Variants in FKBP5 observed in about 807,000 individuals in gnomAD.
FKBP5 encodes FKBP prolyl isomerase 5, also known as peptidyl-prolyl cis-trans isomerase FKBP5.
Under a neutral mutation model 50.5 loss-of-function variants are expected in FKBP5, and 23 were observed. The observed-to-expected ratio is 0.46, with a 90% confidence interval of 0.33 to 0.65. FKBP5 has a LOEUF of 0.65. Ranked by LOEUF, FKBP5 falls within the 30% of genes least tolerant of loss-of-function variation. The probability of loss-of-function intolerance (pLI) is 0.02; values close to 1 mark genes in which losing one functional copy is unlikely to be tolerated. For synonymous variants in FKBP5, 176 were observed against 190.6 expected (o/e 0.92, Z 0.63); for missense variants, 411 against 553.1 (o/e 0.74, Z 2.58).
intron 1 of FKBP5, among the ~76,000 whole-genome samples, chr6:35,673,255 A>G (rs1765437097): frequency 6.6e-6 from 1 of 152,178 alleles, no homozygotes; most frequent in Non-Finnish European, 1.5e-5. Context: ...CATATATTAA[A>G]ATCTAAGAGA....
chr6:35,699,824 A>G (rs1766147700), intron 2 of FKBP5, among the ~76,000 whole-genome samples: 1 of 152,182 alleles, frequency 6.6e-6, no homozygotes, highest in Non-Finnish European at 1.5e-5. Flanking sequence ...ATGCGGGCAG[A>G]TTACCTGAGG....
At chr6:35,597,195 T>C in intron 6 of FKBP5, 53 bp downstream of exon 6, 2 of 1,589,694 alleles carry the variant, frequency 1.3e-6, no homozygotes, top group East Asian at 2.3e-5. Context: ...AAAGCAAGCA[T>C]ATCCCTGTCC....
intron 3 of FKBP5, among the ~76,000 whole-genome samples, chr6:35,624,275 G>A (rs1763929363): frequency 6.6e-6 from 1 of 152,182 alleles, no homozygotes; most frequent in South Asian, 2.1e-4. Context: ...AAACAATCTC[G>A]CAAAATATCA....
At chr6:35,613,671 C>G (rs1281690850) in intron 5 of FKBP5, among the ~76,000 whole-genome samples, 1 of 152,130 alleles carries the variant, frequency 6.6e-6, no homozygotes, top group East Asian at 1.9e-4. Context: ...TTCTCCTCCC[C>G]CAGATAGCTA....
rs1266166387 is a variant in FKBP5, at chr6:35,574,976, T to G, written c.*859A>C. The G allele has an allele frequency of 6.6e-6, 1 of 152,172 alleles. No homozygotes were observed. The highest frequency in any genetic ancestry group is 1.5e-5 in the Non-Finnish European group (1 of 68,032). 9.4% of individuals were successfully genotyped at this position (152,172 alleles called of 1,614,324 possible). A position where few individuals can be genotyped will look rare whatever the true frequency, so the allele number is the denominator to read the frequency against. ...GTAGCAATGCTGGGAGGAAGTACTG[T>G]GTATTGAATATTATTCCCTAAAAGG... On this transcript the variant is annotated 3_prime_UTR_variant, in exon 11 of 11. Coordinates refer to ENST00000357266, the MANE Select transcript of FKBP5 (RefSeq NM_004117.4).
intron 1 of FKBP5, among the ~76,000 whole-genome samples, chr6:35,683,085 TAAAAA>T (rs960356923): frequency 6.8e-6 from 1 of 146,724 alleles, no homozygotes; most frequent in Admixed American, 6.9e-5. Context: ...GCTCTTTCTT[TAAAAA>T]AAAAAGTGTG....
chr6:35,585,579 T>C (rs1342400677), intron 8 of FKBP5: 1 of 985,096 alleles, frequency 1.0e-6, no homozygotes, highest in East Asian at 1.1e-4. Flanking sequence ...GCTTATTCTA[T>C]CATACCCCCA....
intron 1 of FKBP5, among the ~76,000 whole-genome samples, chr6:35,683,658 T>TA (rs1361092195): frequency 2.0e-5 from 3 of 148,500 alleles, no homozygotes; most frequent in Admixed American, 6.7e-5. Context: ...TTTTTTTTTT[T>TA]AGTAGAGATG....
At chr6:35,698,785 C>G (rs1026555286) in intron 2 of FKBP5, among the ~76,000 whole-genome samples, 2 of 152,158 alleles carry the variant, frequency 1.3e-5, no homozygotes, top group African/African-American at 4.8e-5. Flanking sequence ...TCTCACATGG[C>G]AGGAGCAAGA....
chr6:35,667,000 A>C (rs930323742), intron 1 of FKBP5, among the ~76,000 whole-genome samples: 1 of 146,288 alleles, frequency 6.8e-6, no homozygotes, highest in Non-Finnish European at 1.5e-5. Context: ...ATAAATTTTC[A>C]CTTGTTTTGT....
intron 2 of FKBP5, among the ~76,000 whole-genome samples, chr6:35,639,218 C>T (rs1431458191): frequency 6.6e-6 from 1 of 152,076 alleles, no homozygotes; most frequent in Non-Finnish European, 1.5e-5. Context: ...TCACCTAATC[C>T]TAATAACTCT....
chr6:35,594,676 G>T (rs79321975), intron 6 of FKBP5, among the ~76,000 whole-genome samples: 1 of 151,830 alleles, frequency 6.6e-6, no homozygotes, highest in African/African-American at 2.4e-5. Context: ...GTATGCATAC[G>T]CACACACATA....
intron 2 of FKBP5, among the ~76,000 whole-genome samples, chr6:35,700,562 A>G (rs1306996483): frequency 1.3e-5 from 2 of 152,196 alleles, no homozygotes; most frequent in Non-Finnish European, 2.9e-5. Context: ...TTTCAAAGGT[A>G]TGGCTCAGCC....
chr6:35,651,871 CA>C, intron 1 of FKBP5: 10 of 1,121,418 alleles, frequency 8.9e-6, no homozygotes, highest in South Asian at 3.1e-5. Context: ...TGGTTAGGTG[CA>C]AAAAATAAAT....
At chr6:35,683,470 CT>C (rs537285096) in intron 1 of FKBP5, among the ~76,000 whole-genome samples, 32 of 144,620 alleles carry the variant, frequency 2.2e-4, no homozygotes, top group South Asian at 8.8e-4. Context: ...TATATATATA[CT>C]TTTTTTTTTA....
Position 35,580,236 on chromosome 6 carries a change from C to A in FKBP5, c.841-15G>T, listed in dbSNP as rs775703344. 1.9e-6 allele frequency: 3 copies of A among 1,603,102 alleles called. No homozygotes were observed. The highest frequency in any genetic ancestry group is 2.6e-6 in the Non-Finnish European group (3 of 1,172,858). ...TATTTGCCTCCCTAGGATAAAAAAG[C>A]GTCATTACTTGTACTCAGCTCTTGA... On this transcript the variant is annotated splice_polypyrimidine_tract_variant and intron_variant, in intron 8 of 10. Coordinates refer to ENST00000357266, the MANE Select transcript of FKBP5 (RefSeq NM_004117.4).
chr6:35,581,739 G>A (rs1762439095), intron 8 of FKBP5: 1 of 985,490 alleles, frequency 1.0e-6, no homozygotes, highest in African/African-American at 1.7e-5. Context: ...CTCCTTTGAG[G>A]AGGTGATAAG....
At chr6:35,671,183 G>A (rs559395621) in intron 1 of FKBP5, among the ~76,000 whole-genome samples, 10 of 151,950 alleles carry the variant, frequency 6.6e-5, no homozygotes, top group South Asian at 6.2e-4. Flanking sequence ...AGGATTGCTT[G>A]AGCCAGGGAG....
chr6:35,580,255 CTCT>C (rs1163075775), intron 8 of FKBP5, 34 bp from the exon 9 acceptor site: 1 of 1,542,218 alleles, frequency 6.5e-7, no homozygotes, highest in Non-Finnish European at 8.9e-7. Context: ...TTGTACTCAG[CTCT>C]TGAGGGGGTA....
Sources: gnomAD v4.1 joint callset for allele counts (sites outside exome capture counted in the v4.1 genomes callset) on GRCh38, gnomAD v4.1.1 for gene constraint, MANE v1.5 for transcripts, NCBI Gene and HGNC (gene_info 2026-07-23, HGNC 2026-07-21) for gene names.